Variants in URB1 observed in about 807,000 individuals in gnomAD.
URB1 encodes URB1 ribosome biogenesis factor.
Under a neutral mutation model 242.3 loss-of-function variants are expected in URB1, and 197 were observed. That is an observed-to-expected ratio of 0.81 (90% CI 0.72 to 0.91). The LOEUF is 0.91. Among genes scored for constraint, URB1 ranks in the 40% least tolerant of loss-of-function variants. The pLI, the probability that URB1 is intolerant of heterozygous loss-of-function variation, is 0.00. For synonymous variants in URB1, 1,153 were observed against 1,201.8 expected, an observed-to-expected ratio of 0.96 and a Z score of 0.84; for missense variants, 2,721 against 2,860.5, an observed-to-expected ratio of 0.95 and a Z score of 1.11.
At chr21:32,364,077 T>C (rs1012395747) in intron 10 of URB1, among the ~76,000 whole-genome samples, 1 of 151,804 alleles carries the variant, frequency 6.6e-6, no homozygotes, top group Non-Finnish European at 1.5e-5. Context: ...TACTTTAGTA[T>C]GAAAATCCAC....
At chr21:32,388,701 T>C (rs2033609068) in intron 1 of URB1, among the ~76,000 whole-genome samples, 1 of 152,232 alleles carries the variant, frequency 6.6e-6, no homozygotes, top group African/African-American at 2.4e-5. Flanking sequence ...AAACACAGAA[T>C]GCAAGTGATA....
Position 32,349,458 on chromosome 21 carries a change from A to G in URB1, c.2858T>C (p.Leu953Pro). The change falls in exon 21 of 39, where the codon CTC becomes CCC. Residue 953 changes from leucine (L) to proline (P), a missense_variant. Transcript: ENST00000382751. ...GAGGAGATCCAGGAAGAGCTGCAGG[A>G]GGGGCGGGCCCACACTTCTGCCCAG... is the stretch of plus-strand genomic sequence containing the variant. ...GQLGRSVGPP[L>P]LQLFLDLLRR... 1 of 1,550,542 alleles carries G rather than the reference A, an allele frequency of 6.4e-7. No homozygotes were observed.
chr21:32,311,621 C>A lies in URB1; in HGVS notation c.*3297G>T. On this transcript the variant is annotated 3_prime_UTR_variant, in exon 39 of 39. Coordinates refer to ENST00000382751, the MANE Select transcript of URB1 (RefSeq NM_014825.3). ...CAGGTGTGGCAGGAAACCCCCCAGCCCCACAGTATGGACTGTTCTGCAGCA... is the reference window on the plus strand; with the variant it reads ...CAGGTGTGGCAGGAAACCCCCCAGCACCACAGTATGGACTGTTCTGCAGCA... 6.4e-7 allele frequency: 1 copy of A among 1,572,870 alleles called. No individual in the cohort carries two copies. The highest frequency in any genetic ancestry group is 8.6e-7 in the Non-Finnish European group (1 of 1,160,954).
rs890536550 is a variant in URB1, at chr21:32,320,638, A to G, written c.5487T>C (p.Asn1829=). 3 of 1,550,306 alleles carry G rather than the reference A, an allele frequency of 1.9e-6. No homozygotes were observed. Among genetic ancestry groups the G allele is most frequent in the Non-Finnish European group, 1.7e-6 (2 of 1,146,022 alleles). The change falls in exon 35 of 39, where the codon AAT becomes AAC. Residue 1829 remains asparagine, a splice_region_variant and synonymous_variant. Transcript: ENST00000382751. ...HSPLCDEAAQ[N]WILEILQNAA... ...CATTCTGTAGAATTTCCAGAATCCA[A>G]TTCTGAAAACCCCAAACAAGAAGTT...
chr21:32,347,370 C>T lies in URB1; in HGVS notation c.3454G>A (p.Ala1152Thr). The change falls in exon 22 of 39, where the codon GCT (alanine) becomes ACT (threonine). Residue 1152 changes from alanine to threonine, a missense_variant. Ala to Thr is a moderately conservative substitution (Grantham distance 58, BLOSUM62 0). Coordinates refer to ENST00000382751, the MANE Select transcript of URB1 (RefSeq NM_014825.3). ...AGCTGCACCAGGGTCTTTCCAAGAG[C>T]ATTCAGGTGTCTTTCCTTCCCGGGG... The part of the protein sequence containing the change: ...KSPGKERHLN[A>T]LGKTLVQLLT... 6.4e-7 allele frequency: 1 copy of T among 1,551,432 alleles called. No individual in the cohort carries two copies. The highest frequency in any genetic ancestry group is 8.7e-7 in the Non-Finnish European group (1 of 1,146,980).
Position 32,347,937 on chromosome 21 carries a change from T to C in URB1, c.3013-126A>G, listed in dbSNP as rs2033112560. 16 of 1,379,214 alleles carry C rather than the reference T, an allele frequency of 1.2e-5. No homozygotes were observed. The South Asian group carries it at 2.4e-4, about 21-fold the overall frequency. 85.4% of individuals were successfully genotyped at this position (1,379,214 alleles called of 1,614,324 possible). ...AGCAGAAGGCCCCTTTCCTAATCCA[T>C]TCCATCCTCAAGCCTACATTTCCAT... On this transcript the variant is annotated intron_variant, in intron 21 of 38. Coordinates refer to ENST00000382751, the MANE Select transcript of URB1 (RefSeq NM_014825.3).
At chr21:32,319,704 G>A (rs2032741634) in intron 35 of URB1, among the ~76,000 whole-genome samples, 1 of 152,152 alleles carries the variant, frequency 6.6e-6, no homozygotes, top group African/African-American at 2.4e-5. Flanking sequence ...CTATAAGCCA[G>A]GAACATTAGC....
At chr21:32,369,095 C>A (rs1306199536) in intron 8 of URB1, among the ~76,000 whole-genome samples, 2 of 152,156 alleles carry the variant, frequency 1.3e-5, no homozygotes, top group African/African-American at 4.8e-5. Flanking sequence ...GTAATCCCAG[C>A]ACTTTGGGAG....
At chr21:32,383,689 GCT>G in intron 3 of URB1, 135 bp from the exon 4 acceptor site, 1 of 1,017,474 alleles carries the variant, frequency 9.8e-7, no homozygotes, top group Non-Finnish European at 1.3e-6. Flanking sequence ...AAAAAGACAT[GCT>G]CTTTTTTTAA....
chr21:32,340,514 G>A lies in URB1; in HGVS notation c.4316+952C>T, dbSNP rs896295553. On this transcript the variant is annotated intron_variant, in intron 25 of 38. Coordinates refer to ENST00000382751, the MANE Select transcript of URB1 (RefSeq NM_014825.3). ...TGTGGACTCAGCTACTTGGGAGGCC[G>A]AGGCAGGAGAATCACTTGAACCTGG... is the stretch of plus-strand genomic sequence containing the variant. 4.6e-5 allele frequency among the ~76,000 whole-genome samples: 7 copies of A among 152,196 alleles called. No homozygotes were observed. The East Asian group carries it at 5.8e-4, about 13-fold the overall frequency.
Position 32,314,261 on chromosome 21 carries a change from T to C in URB1, c.*657A>G, listed in dbSNP as rs2032641759. On this transcript the variant is annotated 3_prime_UTR_variant, in exon 39 of 39. Coordinates refer to ENST00000382751, the MANE Select transcript of URB1 (RefSeq NM_014825.3). ...GCGCAATGGCACGATCTCAGCTCAC[T>C]GTAGCCTCCACCTCCCAGGTTCAAG... 2.7e-6 allele frequency: 1 copy of C among 371,430 alleles called. No homozygotes were observed. The highest frequency in any genetic ancestry group is 5.2e-6 in the Non-Finnish European group (1 of 192,626). The allele number at this position is 371,430 out of a possible 1,614,324, so 23.0% of individuals were successfully genotyped here.
At chr21:32,380,584 G>A (rs904916193) in intron 4 of URB1, among the ~76,000 whole-genome samples, 10 of 152,182 alleles carry the variant, frequency 6.6e-5, no homozygotes, top group African/African-American at 2.2e-4. Context: ...AAGAGAGGGT[G>A]CAAAGTTTAC....
intron 24 of URB1, 106 bp from the exon 25 acceptor site, chr21:32,341,630 G>A: frequency 2.1e-6 from 2 of 968,666 alleles, no homozygotes; most frequent in Non-Finnish European, 3.1e-6. Flanking sequence ...TCCATGGCCT[G>A]ACTACCTCCT....
chr21:32,363,437 C>T, intron 10 of URB1, 108 bp from the exon 11 acceptor site: 1 of 1,302,312 alleles, frequency 7.7e-7, no homozygotes, highest in Non-Finnish European at 1.0e-6. Context: ...ACAGGGAAAG[C>T]TGCATGAAAC....
Position 32,317,792 on chromosome 21 carries a change from A to T in URB1, c.5918T>A (p.Leu1973His). 1 of 1,551,962 alleles carries T rather than the reference A, an allele frequency of 6.4e-7. No homozygotes were observed. The highest frequency in any genetic ancestry group is 8.7e-7 in the Non-Finnish European group (1 of 1,147,052). ...MNRFTVNETV[L>H]STKDVLVLLH... is the part of the protein sequence containing the mutation. ...GAGGACAAGGACGTCCTTGGTGGAAAGCACTGTCTCATTTACGGTGAATCT... is the reference window on the plus strand; with the variant it reads ...GAGGACAAGGACGTCCTTGGTGGAATGCACTGTCTCATTTACGGTGAATCT... Residue 1973 changes from leucine (L) to histidine (H), a missense_variant, in exon 37 of 39, where the codon CTT becomes CAT. Coordinates refer to ENST00000382751, the MANE Select transcript of URB1 (RefSeq NM_014825.3).
intron 24 of URB1, among the ~76,000 whole-genome samples, chr21:32,344,165 C>A (rs2033059917): frequency 1.3e-5 from 2 of 152,128 alleles, no homozygotes; most frequent in South Asian, 2.1e-4. Context: ...TGCAAAAATT[C>A]TTAATGAAAT....
intron 10 of URB1, among the ~76,000 whole-genome samples, chr21:32,363,841 A>G (rs1479838896): frequency 6.6e-6 from 1 of 151,442 alleles, no homozygotes; most frequent in African/African-American, 2.4e-5. Flanking sequence ...TTTTTTTAAG[A>G]GATGAGACTT....
chr21:32,361,196 AAAG>A, intron 12 of URB1, 73 bp from the exon 13 acceptor site: 1 of 947,614 alleles, frequency 1.1e-6, no homozygotes, highest in Non-Finnish European at 1.5e-6. Context: ...AGAAAGAAAG[AAAG>A]AAAGAAAATA....
intron 8 of URB1, among the ~76,000 whole-genome samples, chr21:32,371,489 C>T (rs541286474): frequency 6.6e-6 from 1 of 152,240 alleles, no homozygotes; most frequent in Non-Finnish European, 1.5e-5. Flanking sequence ...GGAAAATGAG[C>T]TCATTCTTAC....
Sources: allele counts gnomAD v4.1 joint callset (sites outside exome capture counted in the v4.1 genomes callset), GRCh38; gene constraint gnomAD v4.1.1; transcripts MANE v1.5; gene names NCBI Gene and HGNC (gene_info 2026-07-23, HGNC 2026-07-21).